AGO3: variants seen among roughly 807,000 people sequenced by gnomAD.
AGO3 encodes protein argonaute-3.
A neutral mutation model predicts 105.5 loss-of-function variants in AGO3; 16 were observed. The observed-to-expected ratio is 0.15, with a 90% CI of 0.10 to 0.23. The LOEUF (loss-of-function observed/expected upper bound fraction) is 0.23, where lower values mean the gene tolerates loss of function less well. Among genes scored for constraint, AGO3 ranks in the 10% least tolerant of loss-of-function variants. The probability of loss-of-function intolerance (pLI) is 1.00; values close to 1 mark genes in which losing one functional copy is unlikely to be tolerated. For missense variants in AGO3, 534 were observed against 1,088.0 expected (o/e 0.49, Z 7.16); for synonymous variants, 340 against 367.3 (o/e 0.93, Z 0.85).
chr1:35,938,680 A>T (rs1157134007), intron 1 of AGO3, among the ~76,000 whole-genome samples: 1 of 152,140 alleles, frequency 6.6e-6, no homozygotes, highest in Non-Finnish European at 1.5e-5. Flanking sequence ...ATTCTAGTAC[A>T]TATGTGTTTG....
chr1:36,054,927 G>T lies in AGO3; in HGVS notation c.2275-19G>T. 3.7e-6 allele frequency: 6 copies of T among 1,609,922 alleles called. No individual in the cohort carries two copies. Among genetic ancestry groups the T allele is most frequent in the Non-Finnish European group, 5.1e-6 (6 of 1,176,348 alleles). ...AAGAGTTCAAAATTCAACAGTGTAT[G>T]TCATTGCCTTCTCTATAGGGTACCA... On this transcript the variant is annotated intron_variant, in intron 17 of 18. Coordinates refer to ENST00000373191, the MANE Select transcript of AGO3 (RefSeq NM_024852.4).
intron 5 of AGO3, among the ~76,000 whole-genome samples, chr1:35,995,051 A>G (rs900593353): frequency 6.6e-6 from 1 of 151,738 alleles, no homozygotes; most frequent in Admixed American, 6.6e-5. Flanking sequence ...TACAAAAAAA[A>G]TTAGCCGGGC....
At chr1:36,029,469 A>G (rs1054653814) in intron 12 of AGO3, among the ~76,000 whole-genome samples, 5 of 140,906 alleles carry the variant, frequency 3.5e-5, no homozygotes, top group African/African-American at 1.3e-4. Flanking sequence ...ATCTCGGCTC[A>G]CTGCAAGCTC....
At chr1:36,038,327 C>T (rs1642103057) in intron 14 of AGO3, among the ~76,000 whole-genome samples, 1 of 139,374 alleles carries the variant, frequency 7.2e-6, no homozygotes, top group African/African-American at 2.7e-5. Context: ...GCGATCTTGG[C>T]TCACTGCAAG....
Position 36,004,373 on chromosome 1 carries a change from G to A in AGO3, c.691G>A (p.Val231Ile). 1.2e-6 allele frequency: 2 copies of A among 1,609,458 alleles called. No individual in the cohort carries two copies. The highest frequency in any genetic ancestry group is 8.5e-7 in the Non-Finnish European group (1 of 1,177,064). ...SATAFYKAQP[V>I]IQFMCEVLDI... is the part of the protein sequence containing the mutation. ...CACTGCCTTCTACAAAGCACAACCT[G>A]TAATTCAGTTCATGTGTGAAGTTCT... Residue 231 changes from valine to isoleucine, a missense_variant, in exon 6 of 19, where the codon GTA (valine) becomes ATA (isoleucine). Coordinates refer to ENST00000373191, the MANE Select transcript of AGO3 (RefSeq NM_024852.4).
chr1:35,945,601 C>A, intron 1 of AGO3, 91 bp from the exon 2 acceptor site: 1 of 1,283,474 alleles, frequency 7.8e-7, no homozygotes, highest in Non-Finnish European at 1.1e-6. Flanking sequence ...CCATTATCAG[C>A]TGTACTTATA....
intron 5 of AGO3, among the ~76,000 whole-genome samples, chr1:35,994,593 G>A (rs1405096221): frequency 6.9e-6 from 1 of 144,316 alleles, no homozygotes; most frequent in African/African-American, 2.7e-5. Context: ...ATAAAACTCT[G>A]TTTGTAGAAG....
intron 5 of AGO3, among the ~76,000 whole-genome samples, chr1:35,997,487 G>A (rs1639882941): frequency 6.6e-6 from 1 of 152,174 alleles, no homozygotes. Flanking sequence ...AGTCAGCCAT[G>A]TGATCACAAG....
intron 8 of AGO3, chr1:36,009,258 T>C (rs1569755910): frequency 1.1e-5 from 9 of 815,408 alleles, no homozygotes; most frequent in Non-Finnish European, 1.3e-5. Flanking sequence ...CATTTTGGTA[T>C]ACTATACTTC....
rs780287019 is a variant in AGO3 at position 36,014,004 on chromosome 1, C to T, written c.1362C>T (p.Ile454=). The T allele has an allele frequency of 2.9e-5, 46 of 1,613,910 alleles. No homozygotes were observed. Among genetic ancestry groups the T allele is most frequent in the Admixed American group, 5.0e-5 (3 of 59,986 alleles). Residue 454 remains isoleucine, a synonymous_variant, in exon 11 of 19, where the codon ATC becomes ATT. Transcript: ENST00000373191. The stretch of plus-strand genomic sequence containing the variant: ...GAGTTGAAATCAAAATGTGGGCTAT[C>T]GCTTGTTTTGCCACACAGAGGCAGT... The part of the protein sequence containing the change: ...HTGVEIKMWA[I]ACFATQRQCR...
chr1:36,010,965 G>A (rs1484206972), intron 9 of AGO3, among the ~76,000 whole-genome samples: 1 of 151,630 alleles, frequency 6.6e-6, no homozygotes, highest in Non-Finnish European at 1.5e-5. Context: ...GAAAAAGAGA[G>A]AGAAAGAAAA....
At position 36,046,623 on chromosome 1, in the gene AGO3, TAAAAAAAAAAAAAAAAAAA is replaced by T. The variant is rs3073806; in HGVS notation, c.2274+3089_2274+3107del. On this transcript the variant is annotated intron_variant, in intron 17 of 18. Coordinates refer to ENST00000373191, the MANE Select transcript of AGO3 (RefSeq NM_024852.4). ...AACAGAGTGAGACTCAGTCTCTATT[TAAAAAAAAAAAAAAAAAAA>T]AAAAAAAAAAAAAGAGGTCATACCT... 1.6e-3 allele frequency among the ~76,000 whole-genome samples: 55 copies of T among 34,488 alleles called. 1 individual carries two copies. The East Asian group carries it at 0.037, about 23-fold the overall frequency. The allele number at this position is 34,488 out of a possible 152,430, so 22.6% of individuals were successfully genotyped here.
chr1:36,043,863 A>C (rs561783748), intron 17 of AGO3, among the ~76,000 whole-genome samples: 2 of 145,682 alleles, frequency 1.4e-5, no homozygotes, highest in South Asian at 4.3e-4. Context: ...ATGCATCTTT[A>C]AAAAAAAAAG....
intron 11 of AGO3, among the ~76,000 whole-genome samples, chr1:36,025,180 G>A (rs1177497866): frequency 6.6e-6 from 1 of 152,108 alleles, no homozygotes; most frequent in Non-Finnish European, 1.5e-5. Flanking sequence ...TTCAGAATTT[G>A]CCTTGCCTTC....
At chr1:35,943,648 G>A (rs12030147) in intron 1 of AGO3, among the ~76,000 whole-genome samples, 1,702 of 148,456 alleles carry the variant, frequency 0.011, 37 homozygotes, top group African/African-American at 0.038. Context: ...CTATCACCCA[G>A]GCTGGAGTGC....
chr1:36,028,087 G>A (rs953612788), intron 12 of AGO3, among the ~76,000 whole-genome samples: 38 of 152,208 alleles, frequency 2.5e-4, no homozygotes, highest in African/African-American at 8.7e-4. Flanking sequence ...ACTCTTTCAG[G>A]CTGGAGTGCA....
chr1:36,054,873 CTT>C, intron 17 of AGO3, 71 bp from the exon 18 acceptor site: 1 of 1,448,048 alleles, frequency 6.9e-7, no homozygotes, highest in African/African-American at 1.4e-5. Context: ...CAGAGCAAGA[CTT>C]TGTCTCAAAA....
intron 5 of AGO3, among the ~76,000 whole-genome samples, chr1:35,995,209 A>AAAATATATATAT (rs1237315557): frequency 9.6e-5 from 11 of 114,734 alleles, no homozygotes; most frequent in African/African-American, 3.4e-4. Context: ...TAAAAAAAAA[A>AAAATATATATAT]ATATATATAT....
At chr1:35,965,257 C>T (rs1469143575) in intron 2 of AGO3, among the ~76,000 whole-genome samples, 7 of 151,760 alleles carry the variant, frequency 4.6e-5, no homozygotes, top group Non-Finnish European at 8.8e-5. Context: ...TTTAGGAGGC[C>T]GAGGCGGGCG....
Sources: allele counts gnomAD v4.1 joint callset (sites outside exome capture counted in the v4.1 genomes callset), GRCh38; gene constraint gnomAD v4.1.1; transcripts MANE v1.5; gene names NCBI Gene and HGNC (gene_info 2026-07-23, HGNC 2026-07-21).